The following KAT6B variants were observed in gnomAD, a reference collection of about 807,000 sequenced individuals.
The protein encoded by KAT6B is lysine acetyltransferase 6B, also known as histone acetyltransferase KAT6B.
A neutral mutation model predicts 187.5 loss-of-function variants in KAT6B; 10 were observed. That is an observed-to-expected ratio of 0.05 (90% CI 0.03 to 0.09). The LOEUF is 0.09. Ranked by LOEUF, KAT6B falls within the 10% of genes least tolerant of loss-of-function variation. The pLI is 1.00. For missense variants in KAT6B, 1,952 were observed against 2,558.9 expected (o/e 0.76, Z 5.12); for synonymous variants, 861 against 926.8 (o/e 0.93, Z 1.29).
intron 3 of KAT6B, among the ~76,000 whole-genome samples, chr10:74,955,745 TTTATA>T (rs1353280813): frequency 2.0e-5 from 3 of 152,144 alleles, no homozygotes; most frequent in South Asian, 4.1e-4. Flanking sequence ...ACTCAAGAAA[TTTATA>T]TTATATCTAG....
upstream of KAT6B, among the ~76,000 whole-genome samples, chr10:74,826,377 G>C (rs1162560718): frequency 6.6e-6 from 1 of 151,548 alleles, no homozygotes; most frequent in Non-Finnish European, 1.5e-5. Flanking sequence ...CCTCCCCCGG[G>C]GTGGTGCCGG....
intron 1 of KAT6B, among the ~76,000 whole-genome samples, chr10:74,828,450 T>A (rs940976685): frequency 1.4e-3 from 26 of 18,400 alleles, no homozygotes; most frequent in Non-Finnish European, 2.6e-3. Flanking sequence ...CCAAGAAGGT[T>A]TTTTGTGTTT....
intron 3 of KAT6B, among the ~76,000 whole-genome samples, chr10:74,845,239 T>A (rs1411877514): frequency 6.7e-6 from 1 of 150,204 alleles, no homozygotes; most frequent in Non-Finnish European, 1.5e-5. Context: ...AAAGAAAAGG[T>A]GGTTTTGGCC....
At chr10:74,972,073 T>G (rs926477866) in intron 6 of KAT6B, among the ~76,000 whole-genome samples, 1 of 152,176 alleles carries the variant, frequency 6.6e-6, no homozygotes, top group South Asian at 2.1e-4. Context: ...TAAAATTATA[T>G]TTTATACTGA....
At chr10:74,929,530 T>G (rs1331365857) in intron 3 of KAT6B, among the ~76,000 whole-genome samples, 2 of 152,158 alleles carry the variant, frequency 1.3e-5, no homozygotes, top group Non-Finnish European at 2.9e-5. Flanking sequence ...CAATCCTTAT[T>G]TAGTGGTTCT....
At chr10:74,915,708 AT>A (rs986647869) in intron 3 of KAT6B, among the ~76,000 whole-genome samples, 3 of 152,206 alleles carry the variant, frequency 2.0e-5, no homozygotes, top group Non-Finnish European at 4.4e-5. Flanking sequence ...ATAAAGAAGT[AT>A]CTAGTTACCT....
At chr10:74,944,259 G>T (rs1163234047) in intron 3 of KAT6B, among the ~76,000 whole-genome samples, 1 of 152,184 alleles carries the variant, frequency 6.6e-6, no homozygotes, top group African/African-American at 2.4e-5. Flanking sequence ...TGTATCACTG[G>T]ATATGGCCCA....
At chr10:74,892,084 C>T (rs943722196) in intron 3 of KAT6B, among the ~76,000 whole-genome samples, 13 of 152,150 alleles carry the variant, frequency 8.5e-5, no homozygotes, top group African/African-American at 2.7e-4. Context: ...AATGCAGGGA[C>T]AGGCTGAGTG....
chr10:75,020,108 G>T (rs1265618180), intron 13 of KAT6B, among the ~76,000 whole-genome samples: 1 of 152,140 alleles, frequency 6.6e-6, no homozygotes, highest in Non-Finnish European at 1.5e-5. Context: ...AGTCAACAGA[G>T]GTCCTTCTCT....
intron 3 of KAT6B, among the ~76,000 whole-genome samples, chr10:74,887,883 T>C (rs1007021567): frequency 6.6e-6 from 1 of 151,946 alleles, no homozygotes; most frequent in Non-Finnish European, 1.5e-5. Context: ...GCGCCTATAA[T>C]TCCAGTGCTT....
At chr10:75,000,362 C>T (rs1244965780) in intron 13 of KAT6B, among the ~76,000 whole-genome samples, 2 of 152,092 alleles carry the variant, frequency 1.3e-5, no homozygotes, top group Non-Finnish European at 2.9e-5. Flanking sequence ...CAAAAAGCAA[C>T]ATCCAGGCAG....
At chr10:75,016,543 C>T (rs916027028) in intron 13 of KAT6B, among the ~76,000 whole-genome samples, 1 of 152,204 alleles carries the variant, frequency 6.6e-6, no homozygotes, top group Non-Finnish European at 1.5e-5. Flanking sequence ...GGTTTATGGG[C>T]TACCCCGTTT....
At chr10:74,933,733 T>C (rs1849039691) in intron 3 of KAT6B, among the ~76,000 whole-genome samples, 1 of 152,184 alleles carries the variant, frequency 6.6e-6, no homozygotes, top group Non-Finnish European at 1.5e-5. Context: ...TCGCTGAGGA[T>C]AACAATGGCT....
At chr10:74,829,008 T>TAA (rs796790976) in intron 1 of KAT6B, among the ~76,000 whole-genome samples, 15 of 136,374 alleles carry the variant, frequency 1.1e-4, no homozygotes, top group African/African-American at 3.7e-4. Flanking sequence ...AGTGATGGTT[T>TAA]AAAAAAAAAA....
At chr10:74,964,232 A>G (rs1489207848) in intron 4 of KAT6B, among the ~76,000 whole-genome samples, 1 of 152,204 alleles carries the variant, frequency 6.6e-6, no homozygotes, top group African/African-American at 2.4e-5. Flanking sequence ...TGACCATCCA[A>G]AGAGATGTAA....
chr10:74,919,572 T>A (rs891261047), intron 3 of KAT6B, among the ~76,000 whole-genome samples: 1 of 152,052 alleles, frequency 6.6e-6, no homozygotes, highest in African/African-American at 2.4e-5. Context: ...TGCTAATTTT[T>A]AAATTTTTTT....
At chr10:74,923,671 A>C (rs948114734) in intron 3 of KAT6B, among the ~76,000 whole-genome samples, 4 of 152,180 alleles carry the variant, frequency 2.6e-5, no homozygotes, top group African/African-American at 9.7e-5. Flanking sequence ...AGAAACAGAT[A>C]AGAGGCCAGT....
intron 3 of KAT6B, among the ~76,000 whole-genome samples, chr10:74,912,996 T>C (rs1306260637): frequency 6.6e-6 from 1 of 152,194 alleles, no homozygotes; most frequent in African/African-American, 2.4e-5. Context: ...TAACTGTCAA[T>C]GGTAGTTATA....
At position 74,845,621 on chromosome 10, in the gene KAT6B, C is replaced by G. The variant is rs1487893853; in HGVS notation, c.621+2143C>G. On this transcript the variant is annotated intron_variant, in intron 3 of 17. Coordinates refer to ENST00000287239, the MANE Select transcript of KAT6B (RefSeq NM_012330.4). ...ACCTTTTGGGATCAAGTGTTCCTCC[C>G]AAGTAACTGGGAATACAGGTGTATG... Among the ~76,000 whole-genome samples, 19 of 151,400 alleles carry G rather than the reference C, an allele frequency of 1.3e-4. No homozygotes were observed. The East Asian group carries it at 3.1e-3, about 25-fold the overall frequency.
Sources: allele counts gnomAD v4.1 joint callset (sites outside exome capture counted in the v4.1 genomes callset), GRCh38; gene constraint gnomAD v4.1.1; transcripts MANE v1.5; gene names NCBI Gene and HGNC (gene_info 2026-07-23, HGNC 2026-07-21).